Variants in PCMTD1 observed in about 807,000 individuals in gnomAD.
The protein encoded by PCMTD1 is protein-L-isoaspartate O-methyltransferase domain-containing protein 1.
A neutral mutation model predicts 37.6 loss-of-function variants in PCMTD1; 12 were observed. The ratio of observed to expected loss-of-function variants is 0.32; its 90% CI spans 0.20 to 0.52. PCMTD1 has a LOEUF of 0.52. PCMTD1 is among the 20% of genes least tolerant of loss of function. The pLI is 0.97. For synonymous variants in PCMTD1, 117 were observed against 135.8 expected (o/e 0.86, Z 0.96); for missense variants, 235 against 421.3 (o/e 0.56, Z 3.87).
intron 1 of PCMTD1, among the ~76,000 whole-genome samples, chr8:51,898,299 C>A (rs1465977462): frequency 6.6e-6 from 1 of 152,074 alleles, no homozygotes; most frequent in Non-Finnish European, 1.5e-5. Flanking sequence ...GTGGGTCCTC[C>A]CCATGCCGGT....
At chr8:51,868,841 A>G (rs1415768857) in intron 1 of PCMTD1, among the ~76,000 whole-genome samples, 1 of 152,204 alleles carries the variant, frequency 6.6e-6, no homozygotes, top group East Asian at 1.9e-4. Context: ...AAACATGAAA[A>G]TAAAGTAAAA....
chr8:51,891,670 C>G (rs956243234), intron 1 of PCMTD1, among the ~76,000 whole-genome samples: 5 of 129,992 alleles, frequency 3.8e-5, no homozygotes, highest in African/African-American at 1.3e-4. Context: ...AAAAAAAAAA[C>G]AAAAAATATA....
chr8:51,868,017 G>A (rs1398485541), intron 1 of PCMTD1, among the ~76,000 whole-genome samples: 1 of 152,014 alleles, frequency 6.6e-6, no homozygotes, highest in Non-Finnish European at 1.5e-5. Flanking sequence ...GCTTTGAGAG[G>A]CAAATTTTTT....
chr8:51,832,124 C>A (rs2038006827), intron 4 of PCMTD1, among the ~76,000 whole-genome samples: 1 of 152,126 alleles, frequency 6.6e-6, no homozygotes, highest in African/African-American at 2.4e-5. Context: ...ACATCTTGTT[C>A]AAGTTTAATT....
At chr8:51,830,810 T>C (rs757916560) in intron 5 of PCMTD1, among the ~76,000 whole-genome samples, 2 of 152,212 alleles carry the variant, frequency 1.3e-5, no homozygotes, top group Non-Finnish European at 1.5e-5. Flanking sequence ...AATTTAGATG[T>C]TGCCTTGGCA....
At chr8:51,823,446 T>G (rs533252040) in intron 5 of PCMTD1, among the ~76,000 whole-genome samples, 1 of 152,128 alleles carries the variant, frequency 6.6e-6, no homozygotes, top group Admixed American at 6.6e-5. Context: ...GCCTGGGCAA[T>G]AGAGTGAGAC....
At chr8:51,853,789 G>C (rs962215811) in intron 2 of PCMTD1, among the ~76,000 whole-genome samples, 4 of 152,074 alleles carry the variant, frequency 2.6e-5, no homozygotes, top group African/African-American at 9.7e-5. Context: ...AGTGCAGACT[G>C]GGAGCTTGTG....
chr8:51,873,613 G>A (rs559414074), intron 1 of PCMTD1, among the ~76,000 whole-genome samples: 17 of 152,094 alleles, frequency 1.1e-4, no homozygotes, highest in Admixed American at 2.0e-4. Context: ...TGATTGGATC[G>A]TGGAAGTGGA....
intron 5 of PCMTD1, 111 bp downstream of exon 5, chr8:51,831,333 T>C (rs2037995561): frequency 9.2e-7 from 1 of 1,081,872 alleles, no homozygotes; most frequent in Non-Finnish European, 1.3e-6. Flanking sequence ...CCACCAAATA[T>C]CTTACTGCAT....
rs2037822849 is a variant in PCMTD1, at chr8:51,820,230, A to T, written c.*121T>A. 1.3e-6 allele frequency: 1 copy of T among 784,408 alleles called. No homozygotes were observed. The allele number at this position is 784,408 out of a possible 1,614,324, so 48.6% of individuals were successfully genotyped here. ...TTTGTGTTACTGACAGAAACAAGTGATTTTTTTTCCACTATAATTTGCTCT... is the reference window on the plus strand; with the variant it reads ...TTTGTGTTACTGACAGAAACAAGTGTTTTTTTTTCCACTATAATTTGCTCT... On this transcript the variant is annotated 3_prime_UTR_variant, in exon 6 of 6. Coordinates refer to ENST00000522514, the MANE Select transcript of PCMTD1 (RefSeq NM_052937.4).
At chr8:51,858,058 G>A (rs767930351) in intron 2 of PCMTD1, among the ~76,000 whole-genome samples, 1 of 152,092 alleles carries the variant, frequency 6.6e-6, no homozygotes, top group Non-Finnish European at 1.5e-5. Flanking sequence ...CACTGAATTC[G>A]TGTTTCTGGA....
chr8:51,857,248 T>C (rs540954006), intron 2 of PCMTD1, among the ~76,000 whole-genome samples: 14 of 152,346 alleles, frequency 9.2e-5, no homozygotes, highest in African/African-American at 3.4e-4. Context: ...AGCAAGGTAG[T>C]GGCATCCACA....
At position 51,887,255 on chromosome 8, in the gene PCMTD1, T is replaced by C. The variant is rs555492869; in HGVS notation, c.-96+11675A>G. Among the ~76,000 whole-genome samples, 3 of 152,268 alleles carry C rather than the reference T, an allele frequency of 2.0e-5. No homozygotes were observed. The East Asian group carries it at 5.8e-4, about 29-fold the overall frequency. On this transcript the variant is annotated intron_variant, in intron 1 of 5. Coordinates refer to ENST00000522514, the MANE Select transcript of PCMTD1 (RefSeq NM_052937.4). The stretch of plus-strand genomic sequence containing the variant: ...AACATGGACCTCTTTGGGGGGCTAC[T>C]ATTTGCCTAGCACACTACCCAAACT...
intron 2 of PCMTD1, among the ~76,000 whole-genome samples, chr8:51,855,914 C>T (rs1038272917): frequency 2.6e-5 from 4 of 152,036 alleles, no homozygotes; most frequent in African/African-American, 4.8e-5. Context: ...GTGATCCACC[C>T]GCCTTGGCCT....
chr8:51,887,805 G>A (rs1041359570), intron 1 of PCMTD1, among the ~76,000 whole-genome samples: 10 of 147,018 alleles, frequency 6.8e-5, no homozygotes, highest in Non-Finnish European at 1.5e-4. Flanking sequence ...GCAGTGGCAC[G>A]ATCTCAGCTC....
chr8:51,877,987 G>C (rs1205427021), intron 1 of PCMTD1, among the ~76,000 whole-genome samples: 1 of 152,172 alleles, frequency 6.6e-6, no homozygotes, highest in Non-Finnish European at 1.5e-5. Flanking sequence ...TAAAGCAAAT[G>C]CATCAAAATG....
chr8:51,847,546 C>T (rs2038239831), intron 2 of PCMTD1, among the ~76,000 whole-genome samples: 1 of 151,846 alleles, frequency 6.6e-6, no homozygotes, highest in Non-Finnish European at 1.5e-5. Flanking sequence ...AGAATTGCTT[C>T]AACTCAGGAG....
rs550511618 is a variant in PCMTD1 at position 51,825,695 on chromosome 8, C to T, written c.707-4977G>A. ...CGGCCTGGGCGACAGAGCGAGACTC[C>T]GTCTCAAAAAAAAAAAAAAAAAAAA... On this transcript the variant is annotated intron_variant, in intron 5 of 5. Transcript: ENST00000522514. Among the ~76,000 whole-genome samples the T allele has an allele frequency of 1.2e-3, 130 of 108,368 alleles. 12 individuals carry two copies. Among genetic ancestry groups the T allele is most frequent in the African/African-American group, 4.0e-3 (120 of 30,100 alleles). 71.1% of individuals were successfully genotyped at this position (108,368 alleles called of 152,430 possible).
chr8:51,839,880 C>G (rs1277370666), intron 3 of PCMTD1, among the ~76,000 whole-genome samples: 2 of 152,130 alleles, frequency 1.3e-5, no homozygotes, highest in African/African-American at 4.8e-5. Flanking sequence ...TGTCAAAATA[C>G]ACATTTTGAG....
Sources: allele counts gnomAD v4.1 joint callset (sites outside exome capture counted in the v4.1 genomes callset), GRCh38; gene constraint gnomAD v4.1.1; transcripts MANE v1.5; gene names NCBI Gene and HGNC (gene_info 2026-07-23, HGNC 2026-07-21).